GLCE: variants seen among roughly 807,000 people sequenced by gnomAD.
GLCE encodes D-glucuronyl C5-epimerase.
In GLCE, 19 loss-of-function variants were observed where a neutral mutation model predicts 47.9. The ratio of observed to expected loss-of-function variants is 0.40; its 90% CI spans 0.28 to 0.58. The LOEUF is 0.58. GLCE is among the 20% of genes least tolerant of loss of function. The probability of loss-of-function intolerance (pLI) is 0.48; values close to 1 mark genes in which losing one functional copy is unlikely to be tolerated. For missense variants in GLCE, 556 were observed against 743.3 expected, an observed-to-expected ratio of 0.75 and a Z score of 2.93; for synonymous variants, 245 against 263.4, an observed-to-expected ratio of 0.93 and a Z score of 0.68.
intron 3 of GLCE, among the ~76,000 whole-genome samples, chr15:69,260,251 GGTTTTTTTTTTT>G (rs1212884453): frequency 4.2e-4 from 51 of 122,668 alleles, no homozygotes; most frequent in Middle Eastern, 5.1e-3. Flanking sequence ...AGTCACAACT[GGTTTTTTTTTTT>G]TTTTTTTTTT....
At chr15:69,263,396 C>G (rs778426661) in intron 4 of GLCE, among the ~76,000 whole-genome samples, 1 of 151,640 alleles carries the variant, frequency 6.6e-6, no homozygotes, top group Non-Finnish European at 1.5e-5. Context: ...GAGGTGAGAC[C>G]CTGGAGGACC....
At chr15:69,203,776 A>C (rs1449209912) in intron 1 of GLCE, among the ~76,000 whole-genome samples, 1 of 152,152 alleles carries the variant, frequency 6.6e-6, no homozygotes, top group African/African-American at 2.4e-5. Context: ...AAATTAGTGC[A>C]GTTGCTGATT....
chr15:69,246,308 A>G (rs1407743535), intron 2 of GLCE, among the ~76,000 whole-genome samples: 1 of 152,154 alleles, frequency 6.6e-6, no homozygotes, highest in Non-Finnish European at 1.5e-5. Context: ...TCTTAATGGC[A>G]TCTAGAATGG....
intron 1 of GLCE, among the ~76,000 whole-genome samples, chr15:69,182,785 A>G (rs1412345146): frequency 6.6e-6 from 1 of 152,106 alleles, no homozygotes; most frequent in African/African-American, 2.4e-5. Context: ...AGGCTGAGGC[A>G]GGTGGATCAC....
In GLCE at chr15:69,178,780, A is replaced by G. The variant is rs185244303; in HGVS notation, c.-105+18023A>G. Among the ~76,000 whole-genome samples the G allele has an allele frequency of 1.8e-4, 28 of 152,276 alleles. No homozygotes were observed. In the East Asian group the frequency reaches 2.9e-3, roughly 16 times the overall value. On this transcript the variant is annotated intron_variant, in intron 1 of 4. Coordinates refer to ENST00000261858, the MANE Select transcript of GLCE (RefSeq NM_015554.3). ...TTACATGTTAAAATGATAAATATTC[A>G]TACTTTTTCATTCAATTTTAAATAA...
rs149314819 is a variant in GLCE, at chr15:69,181,797, T to G, written c.-105+21040T>G. On this transcript the variant is annotated intron_variant, in intron 1 of 4. Transcript: ENST00000261858. ...TAACTTAAGAGAGATGTTCAAAGAG[T>G]TTTTTTGTTTTTTGTTTTTGTTTTG... Among the ~76,000 whole-genome samples the G allele has an allele frequency of 2.4e-3, 365 of 151,850 alleles. 3 individuals are homozygous for G. The highest frequency in any genetic ancestry group is 8.5e-3 in the African/African-American group (352 of 41,374).
At chr15:69,219,854 C>G (rs906661102) in intron 2 of GLCE, among the ~76,000 whole-genome samples, 4 of 152,058 alleles carry the variant, frequency 2.6e-5, no homozygotes, top group South Asian at 2.1e-4. Context: ...ACCTGAAACT[C>G]TGTACTGATT....
At chr15:69,247,960 T>G (rs1408269329) in intron 2 of GLCE, among the ~76,000 whole-genome samples, 1 of 152,198 alleles carries the variant, frequency 6.6e-6, no homozygotes, top group Non-Finnish European at 1.5e-5. Flanking sequence ...GAGAAAATAT[T>G]AGAAATACTG....
chr15:69,254,547 C>T (rs936506744), intron 2 of GLCE, among the ~76,000 whole-genome samples: 1 of 152,058 alleles, frequency 6.6e-6, no homozygotes, highest in African/African-American at 2.4e-5. Context: ...GTGATTCTGA[C>T]AGGGTAGTAA....
intron 1 of GLCE, among the ~76,000 whole-genome samples, chr15:69,199,999 A>T (rs902150586): frequency 1.3e-5 from 2 of 152,134 alleles, no homozygotes; most frequent in Admixed American, 6.5e-5. Context: ...TAGTAAGACA[A>T]TTTTTTACAT....
intron 2 of GLCE, among the ~76,000 whole-genome samples, chr15:69,225,408 T>C (rs868602802): frequency 6.6e-6 from 1 of 152,206 alleles, no homozygotes; most frequent in South Asian, 2.1e-4. Context: ...AATATGGTCT[T>C]ATATCATAGT....
chr15:69,253,944 G>A (rs938674275), intron 2 of GLCE, among the ~76,000 whole-genome samples: 6 of 152,194 alleles, frequency 3.9e-5, no homozygotes, highest in African/African-American at 1.2e-4. Context: ...TTAATCAAGG[G>A]TGAGAGCAGA....
intron 1 of GLCE, among the ~76,000 whole-genome samples, chr15:69,181,668 T>C (rs988377677): frequency 2.6e-5 from 4 of 152,058 alleles, no homozygotes; most frequent in African/African-American, 9.7e-5. Context: ...AATAGACTCA[T>C]TGGAATGGAT....
intron 2 of GLCE, among the ~76,000 whole-genome samples, chr15:69,232,104 A>G (rs764365412): frequency 2.6e-5 from 4 of 152,114 alleles, no homozygotes; most frequent in South Asian, 2.1e-4. Flanking sequence ...ATTTTTATAT[A>G]TACGTTTGGA....
At chr15:69,195,335 C>T (rs1415576361) in intron 1 of GLCE, among the ~76,000 whole-genome samples, 1 of 151,298 alleles carries the variant, frequency 6.6e-6, no homozygotes, top group Non-Finnish European at 1.5e-5. Context: ...TCACTGATAG[C>T]TTAGAAAAAG....
At chr15:69,204,234 ATTTTTT>A (rs1827339355) in intron 1 of GLCE, among the ~76,000 whole-genome samples, 1 of 124,184 alleles carries the variant, frequency 8.1e-6, no homozygotes, top group African/African-American at 3.1e-5. Context: ...TAAAGCGACT[ATTTTTT>A]CCCTGATAAA....
At chr15:69,229,614 T>G (rs910249835) in intron 2 of GLCE, among the ~76,000 whole-genome samples, 1 of 152,112 alleles carries the variant, frequency 6.6e-6, no homozygotes, top group African/African-American at 2.4e-5. Flanking sequence ...ATTTTTCACA[T>G]AAGTAGAGGT....
chr15:69,243,057 C>CA (rs547412078), intron 2 of GLCE, among the ~76,000 whole-genome samples: 3,547 of 40,868 alleles, frequency 0.087, 115 homozygotes, highest in African/African-American at 0.13. Flanking sequence ...AGATCCTGTC[C>CA]AAAAAAAAAA....
At chr15:69,202,072 A>G (rs1482579297) in intron 1 of GLCE, among the ~76,000 whole-genome samples, 1 of 152,008 alleles carries the variant, frequency 6.6e-6, no homozygotes, top group Non-Finnish European at 1.5e-5. Flanking sequence ...GGCACACTGT[A>G]CCACATCTGG....
Sources: allele counts gnomAD v4.1 joint callset (sites outside exome capture counted in the v4.1 genomes callset), GRCh38; gene constraint gnomAD v4.1.1; transcripts MANE v1.5; gene names NCBI Gene and HGNC (gene_info 2026-07-23, HGNC 2026-07-21).